Variants in PLCL1 observed in about 807,000 individuals in gnomAD.
PLCL1 encodes the protein inactive phospholipase C-like protein 1.
In PLCL1, 41 loss-of-function variants were observed where a neutral mutation model predicts 84.4. The observed-to-expected ratio is 0.49, with a 90% CI of 0.38 to 0.63. PLCL1 has a LOEUF of 0.63. Among genes scored for constraint, PLCL1 ranks in the 30% least tolerant of loss-of-function variants. The probability of loss-of-function intolerance (pLI) is 0.00; values close to 1 mark genes in which losing one functional copy is unlikely to be tolerated. For missense variants in PLCL1, 1,206 were observed against 1,367.8 expected (o/e 0.88, Z 1.87); for synonymous variants, 490 against 488.3 (o/e 1.00, Z -0.05).
chr2:198,139,124 C>T (rs1398855246), intron 5 of PLCL1, among the ~76,000 whole-genome samples: 2 of 151,978 alleles, frequency 1.3e-5, no homozygotes, highest in African/African-American at 4.8e-5. Flanking sequence ...CATTGCACTC[C>T]AGCCTGGGCA....
intron 1 of PLCL1, among the ~76,000 whole-genome samples, chr2:197,899,044 C>G (rs1195166407): frequency 1.3e-5 from 2 of 152,090 alleles, no homozygotes; most frequent in Non-Finnish European, 2.9e-5. Flanking sequence ...GTTTGATCTT[C>G]AATATTCATT....
At chr2:197,823,593 T>TA (rs1690861124) in intron 1 of PLCL1, among the ~76,000 whole-genome samples, 1 of 152,144 alleles carries the variant, frequency 6.6e-6, no homozygotes, top group Admixed American at 6.6e-5. Flanking sequence ...GGGCTTTGAA[T>TA]AAAATGGTAT....
At chr2:198,133,741 C>T (rs757191538) in intron 5 of PLCL1, among the ~76,000 whole-genome samples, 2 of 152,092 alleles carry the variant, frequency 1.3e-5, no homozygotes, top group Non-Finnish European at 2.9e-5. Flanking sequence ...TGTTCCATTT[C>T]CCAATACACT....
At chr2:198,089,091 C>CGT (rs112485917) in intron 3 of PLCL1, 30 bp downstream of exon 3, 223 of 1,492,166 alleles carry the variant, frequency 1.5e-4, no homozygotes, top group East Asian at 1.5e-3. Flanking sequence ...TATTTTTTTA[C>CGT]GTGTGTGTGT....
chr2:197,995,106 T>C (rs1364292983), intron 1 of PLCL1, among the ~76,000 whole-genome samples: 1 of 152,250 alleles, frequency 6.6e-6, no homozygotes, highest in Admixed American at 6.5e-5. Flanking sequence ...ACTTTTGTTC[T>C]TTCTGGTGCA....
intron 1 of PLCL1, among the ~76,000 whole-genome samples, chr2:197,870,597 A>G (rs1394942944): frequency 2.0e-5 from 3 of 152,152 alleles, no homozygotes; most frequent in African/African-American, 7.2e-5. Flanking sequence ...GAGTGTTACC[A>G]TATTTGTTAG....
At chr2:197,997,186 TG>T (rs1441081541) in intron 1 of PLCL1, among the ~76,000 whole-genome samples, 4 of 152,240 alleles carry the variant, frequency 2.6e-5, no homozygotes, top group African/African-American at 9.6e-5. Flanking sequence ...ACAGCGTAAG[TG>T]GCACAGTCCA....
At chr2:197,847,666 C>T (rs945892114) in intron 1 of PLCL1, among the ~76,000 whole-genome samples, 1 of 152,184 alleles carries the variant, frequency 6.6e-6, no homozygotes, top group African/African-American at 2.4e-5. Context: ...CATTTTCCCT[C>T]ATGTAATTCA....
chr2:198,061,784 A>G (rs558841604), intron 1 of PLCL1, among the ~76,000 whole-genome samples: 2 of 152,164 alleles, frequency 1.3e-5, no homozygotes, highest in Admixed American at 1.3e-4. Flanking sequence ...TATGTTTAGT[A>G]GAGATGGGGT....
At chr2:198,095,944 G>A (rs1340834334) in intron 3 of PLCL1, among the ~76,000 whole-genome samples, 3 of 152,140 alleles carry the variant, frequency 2.0e-5, no homozygotes, top group African/African-American at 4.8e-5. Flanking sequence ...AAGAGAAATA[G>A]GAAAATGTGT....
intron 5 of PLCL1, among the ~76,000 whole-genome samples, chr2:198,128,708 T>A (rs1204249140): frequency 3.9e-5 from 6 of 152,164 alleles, no homozygotes; most frequent in Non-Finnish European, 8.8e-5. Context: ...TAATTTCTAA[T>A]CTTGTGGCTA....
chr2:197,925,712 T>A (rs1245682296), intron 1 of PLCL1, among the ~76,000 whole-genome samples: 1 of 152,136 alleles, frequency 6.6e-6, no homozygotes, highest in South Asian at 2.1e-4. Flanking sequence ...AACTACAACT[T>A]TTCTCCATGC....
At chr2:198,127,021 T>C (rs1406941836) in intron 5 of PLCL1, among the ~76,000 whole-genome samples, 1 of 142,470 alleles carries the variant, frequency 7.0e-6, no homozygotes, top group Non-Finnish European at 1.5e-5. Flanking sequence ...TGGGGGGTGG[T>C]GTATTCTTAG....
At chr2:198,075,676 G>T (rs1250398228) in intron 1 of PLCL1, among the ~76,000 whole-genome samples, 2 of 152,122 alleles carry the variant, frequency 1.3e-5, no homozygotes, top group African/African-American at 4.8e-5. Flanking sequence ...TCCCTTGTGG[G>T]CTTGGCTCAT....
At chr2:198,030,900 C>T (rs1044311153) in intron 1 of PLCL1, among the ~76,000 whole-genome samples, 5 of 152,118 alleles carry the variant, frequency 3.3e-5, no homozygotes, top group African/African-American at 4.8e-5. Context: ...TTTCTGTGTT[C>T]GTAAGGCACA....
chr2:197,874,734 A>G (rs1239567384), intron 1 of PLCL1, among the ~76,000 whole-genome samples: 1 of 152,046 alleles, frequency 6.6e-6, no homozygotes, highest in East Asian at 1.9e-4. Context: ...TGCATATGGT[A>G]CACTAAGGTT....
intron 1 of PLCL1, among the ~76,000 whole-genome samples, chr2:197,844,065 AC>A (rs1357730488): frequency 2.6e-5 from 4 of 152,174 alleles, no homozygotes; most frequent in African/African-American, 9.6e-5. Context: ...CTGTAAAGTA[AC>A]TTTTCATTAG....
At chr2:197,961,264 A>C (rs180876115) in intron 1 of PLCL1, among the ~76,000 whole-genome samples, 9 of 139,632 alleles carry the variant, frequency 6.4e-5, no homozygotes, top group African/African-American at 1.1e-4. Context: ...AGAGAGAGAG[A>C]GAGCGAGCAT....
chr2:197,874,027 G>C (rs987865374), intron 1 of PLCL1, among the ~76,000 whole-genome samples: 5 of 152,114 alleles, frequency 3.3e-5, no homozygotes, highest in Non-Finnish European at 7.4e-5. Flanking sequence ...ATTTAGAATG[G>C]TTCTTTAACA....
Sources: gnomAD v4.1 joint callset for allele counts (sites outside exome capture counted in the v4.1 genomes callset) on GRCh38, gnomAD v4.1.1 for gene constraint, MANE v1.5 for transcripts, NCBI Gene and HGNC (gene_info 2026-07-23, HGNC 2026-07-21) for gene names.